Variants in TULP4 observed in about 807,000 individuals in gnomAD.
TULP4 encodes the protein TUB like protein 4.
In TULP4, 16 loss-of-function variants were observed where a neutral mutation model predicts 129.0. That is an observed-to-expected ratio of 0.12 (90% CI 0.08 to 0.19). TULP4 has a LOEUF of 0.19. Among genes scored for constraint, TULP4 ranks in the 10% least tolerant of loss-of-function variants. The probability of loss-of-function intolerance (pLI) is 1.00; values close to 1 mark genes in which losing one functional copy is unlikely to be tolerated. For synonymous variants in TULP4, 998 were observed against 854.0 expected, an observed-to-expected ratio of 1.17 and a Z score of -2.94; for missense variants, 1,842 against 2,059.1, an observed-to-expected ratio of 0.89 and a Z score of 2.04.
At chr6:158,302,799 G>A (rs1272222438) in intron 1 of TULP4, among the ~76,000 whole-genome samples, 4 of 152,008 alleles carry the variant, frequency 2.6e-5, no homozygotes, top group Non-Finnish European at 5.9e-5. Context: ...TAAGAGTTAT[G>A]TGGAATATTA....
intron 1 of TULP4, among the ~76,000 whole-genome samples, chr6:158,300,084 C>T (rs757535010): frequency 4.6e-5 from 7 of 152,238 alleles, no homozygotes; most frequent in Middle Eastern, 3.4e-3. Flanking sequence ...TCTGAGGAGT[C>T]GGCACAGATC....
At chr6:158,500,876 C>T (rs1287899170) in intron 12 of TULP4, among the ~76,000 whole-genome samples, 1 of 152,172 alleles carries the variant, frequency 6.6e-6, no homozygotes. Context: ...ACCAGCCTGG[C>T]CAACATGGCA....
intron 1 of TULP4, among the ~76,000 whole-genome samples, chr6:158,360,390 G>A (rs1780758062): frequency 6.6e-6 from 1 of 152,128 alleles, no homozygotes; most frequent in Non-Finnish European, 1.5e-5. Context: ...TGGGTTGGCA[G>A]CCTCGAGTGC....
At chr6:158,321,656 A>C (rs116289446) in intron 1 of TULP4, among the ~76,000 whole-genome samples, 1 of 152,102 alleles carries the variant, frequency 6.6e-6, no homozygotes, top group African/African-American at 2.4e-5. Flanking sequence ...CTTGTCCCCA[A>C]GTCTTGTTAT....
chr6:158,470,815 A>G (rs1343171182), intron 6 of TULP4, among the ~76,000 whole-genome samples: 1 of 152,186 alleles, frequency 6.6e-6, no homozygotes, highest in Non-Finnish European at 1.5e-5. Flanking sequence ...TATGCCAAGC[A>G]TTGTTCTAGG....
chr6:158,486,180 C>T (rs1490644061), intron 8 of TULP4, among the ~76,000 whole-genome samples: 1 of 152,084 alleles, frequency 6.6e-6, no homozygotes, highest in Non-Finnish European at 1.5e-5. Context: ...AGTCCTGACT[C>T]CCAATGTGAC....
rs9457358 is a variant in TULP4 at position 158,345,777 on chromosome 6, G to A, written c.252+31509G>A. Among the ~76,000 whole-genome samples, 843 of 152,288 alleles carry A rather than the reference G, an allele frequency of 5.5e-3. 7 individuals are homozygous for A. The highest frequency in any genetic ancestry group is 0.019 in the African/African-American group (774 of 41,558). On this transcript the variant is annotated intron_variant, in intron 1 of 13. Coordinates refer to ENST00000367097, the MANE Select transcript of TULP4 (RefSeq NM_020245.5). ...TCTTAACAGAAAGCAGGGTTCAAGA[G>A]CAGAGAAGTGGTCTGACCTCAAATT...
rs140133124 is a variant in TULP4 at position 158,502,528 on chromosome 6, C to T, written c.2865C>T (p.Thr955=). The part of the protein sequence containing the change: ...RLTVPRYSIP[T]GDPPPYPEIA... ...CCGTCCCTCGCTACTCCATCCCCAC[C>T]GGGGACCCACCCCCGTATCCTGAAA... The change falls in exon 13 of 14, where the codon ACC becomes ACT. Residue 955 remains threonine (T), a synonymous_variant. Coordinates refer to ENST00000367097, the MANE Select transcript of TULP4 (RefSeq NM_020245.5). 509 of 1,611,046 alleles carry T rather than the reference C, an allele frequency of 3.2e-4. 1 individual carries two copies. In the African/African-American group the frequency reaches 4.0e-3, roughly 13 times the overall value.
chr6:158,242,498 G>T, intron 1 of TULP4: 1 of 801,092 alleles, frequency 1.2e-6, no homozygotes, highest in Non-Finnish European at 2.2e-6. Context: ...CCTTCAGTTT[G>T]TCTGTCTGCC....
intron 13 of TULP4, 128 bp from the exon 14 acceptor site, chr6:158,506,450 C>T: frequency 1.4e-6 from 1 of 728,344 alleles, no homozygotes; most frequent in Admixed American, 1.8e-5. Context: ...CCAGGGTGGT[C>T]TCTATCTCCT....
intron 1 of TULP4, among the ~76,000 whole-genome samples, chr6:158,393,783 A>G (rs1231670412): frequency 6.6e-6 from 1 of 152,182 alleles, no homozygotes; most frequent in African/African-American, 2.4e-5. Context: ...AGGCCTCCAG[A>G]GCTGTGATAG....
At chr6:158,336,631 C>CATA (rs908141940) in intron 1 of TULP4, among the ~76,000 whole-genome samples, 1 of 152,090 alleles carries the variant, frequency 6.6e-6, no homozygotes, top group African/African-American at 2.4e-5. Context: ...TCATGACTTC[C>CATA]TTATAGCAGG....
rs1462411895 is a variant in TULP4, at chr6:158,506,665, C to T, written c.4603C>T (p.Leu1535=). ...AGCCGTGCAGGCCTTTGCAGTTGCC[C>T]TGGCCAACGTGACTCAGCGCCTCAA... ...FSAVQAFAVA[L]ANVTQRLK The change falls in exon 14 of 14, where the codon CTG becomes TTG. Residue 1535 remains leucine (L), a synonymous_variant. Transcript: ENST00000367097. 1 of 1,613,512 alleles carries T rather than the reference C, an allele frequency of 6.2e-7. No individual in the cohort carries two copies. Among genetic ancestry groups the T allele is most frequent in the Non-Finnish European group, 8.5e-7 (1 of 1,179,444 alleles).
chr6:158,369,629 T>G (rs1777028637), intron 1 of TULP4, among the ~76,000 whole-genome samples: 1 of 152,160 alleles, frequency 6.6e-6, no homozygotes, highest in African/African-American at 2.4e-5. Context: ...ACATGAGATT[T>G]TCAAAGGCGG....
intron 6 of TULP4, among the ~76,000 whole-genome samples, chr6:158,462,440 C>A (rs2115186564): frequency 6.8e-6 from 1 of 147,254 alleles, no homozygotes; most frequent in Admixed American, 6.9e-5. Flanking sequence ...GTAGCGCATT[C>A]TTGGCTCACT....
At chr6:158,488,917 C>T (rs1416466473) in intron 8 of TULP4, among the ~76,000 whole-genome samples, 1 of 152,136 alleles carries the variant, frequency 6.6e-6, no homozygotes, top group Non-Finnish European at 1.5e-5. Flanking sequence ...CATCATCCCA[C>T]TCTGCACATC....
intron 1 of TULP4, among the ~76,000 whole-genome samples, chr6:158,317,681 G>C (rs1205291046): frequency 6.6e-6 from 1 of 152,186 alleles, no homozygotes; most frequent in East Asian, 1.9e-4. Flanking sequence ...CCAGTAATGG[G>C]ATGGCTGGAT....
At chr6:158,232,742 C>T (rs1198070671) in intron 1 of TULP4, among the ~76,000 whole-genome samples, 2 of 152,020 alleles carry the variant, frequency 1.3e-5, no homozygotes, top group African/African-American at 2.4e-5. Flanking sequence ...CCTCCTCTTC[C>T]TCCCCGGCGT....
chr6:158,436,707 T>A (rs1343352394), intron 3 of TULP4, among the ~76,000 whole-genome samples: 1 of 152,236 alleles, frequency 6.6e-6, no homozygotes, highest in Non-Finnish European at 1.5e-5. Context: ...GGTATTTTCT[T>A]AGACGCTCTT....
Sources: gnomAD v4.1 joint callset for allele counts (sites outside exome capture counted in the v4.1 genomes callset) on GRCh38, gnomAD v4.1.1 for gene constraint, MANE v1.5 for transcripts, NCBI Gene and HGNC (gene_info 2026-07-23, HGNC 2026-07-21) for gene names.